TSPEAR: variants seen among roughly 807,000 people sequenced by gnomAD.
The protein encoded by TSPEAR is thrombospondin type laminin G domain and EAR repeats.
In TSPEAR, 69 loss-of-function variants were observed where a neutral mutation model predicts 71.6. The observed-to-expected ratio is 0.96, with a 90% CI of 0.79 to 1.18. The LOEUF (loss-of-function observed/expected upper bound fraction) is 1.18. TSPEAR is among the 50% of genes most tolerant of loss of function. TSPEAR has a pLI of 0.00. For missense variants in TSPEAR, 971 were observed against 894.9 expected (o/e 1.09, Z -1.09); for synonymous variants, 402 against 387.2 (o/e 1.04, Z -0.45).
At chr21:44,609,018 T>C (rs1555930360) in intron 1 of TSPEAR, among the ~76,000 whole-genome samples, 1 of 152,236 alleles carries the variant, frequency 6.6e-6, no homozygotes, top group African/African-American at 2.4e-5. Flanking sequence ...TAGAATTTAA[T>C]GCAATGGGGC....
rs1244956506 is a variant in TSPEAR, at chr21:44,687,295, G to A, written c.82+24138C>T. On this transcript the variant is annotated intron_variant, in intron 1 of 11. Coordinates refer to ENST00000323084, the MANE Select transcript of TSPEAR (RefSeq NM_144991.3). The surrounding 1 kb of genome is among the most constrained non-coding windows in gnomAD (Gnocchi z 4.4). The stretch of plus-strand genomic sequence containing the variant: ...CTCCCAGTGACACACTGGGCGCCTG[G>A]TGATTACTCAGCTTCTGGGTGCTGA... Among the ~76,000 whole-genome samples, 2 of 152,152 alleles carry A rather than the reference G, an allele frequency of 1.3e-5. No individual in the cohort carries two copies. Among genetic ancestry groups the A allele is most frequent in the Non-Finnish European group, 2.9e-5 (2 of 68,018 alleles).
intron 1 of TSPEAR, chr21:44,702,482 G>T: frequency 6.2e-7 from 1 of 1,608,968 alleles, no homozygotes; most frequent in African/African-American, 1.3e-5. Flanking sequence ...GTGCCCGTCT[G>T]CTGCAAGCCT....
At chr21:44,590,933 G>T (rs1979757456) in intron 1 of TSPEAR, among the ~76,000 whole-genome samples, 2 of 152,100 alleles carry the variant, frequency 1.3e-5, no homozygotes, top group East Asian at 3.9e-4. Context: ...AGAAGGCATT[G>T]CTTCCTGCCT....
intron 2 of TSPEAR, among the ~76,000 whole-genome samples, chr21:44,543,390 C>T (rs2053252648): frequency 6.6e-6 from 1 of 152,164 alleles, no homozygotes. Context: ...TTACATGAGA[C>T]TTTAAAAAGT....
At chr21:44,528,632 A>G (rs1555915276) in intron 5 of TSPEAR, 49 bp from the exon 6 acceptor site, 2 of 1,603,268 alleles carry the variant, frequency 1.2e-6, no homozygotes, top group Non-Finnish European at 8.5e-7. Flanking sequence ...AGTGCCCCCA[A>G]AGGAAGACGA....
rs370428426 is a variant in TSPEAR at position 44,527,369 on chromosome 21, C to T, written c.1072G>A (p.Glu358Lys). 7.1e-5 allele frequency: 114 copies of T among 1,614,188 alleles called. No individual in the cohort carries two copies. Among genetic ancestry groups the T allele is most frequent in the Non-Finnish European group, 7.8e-5 (92 of 1,180,036 alleles). ...KATSAVYKWT[E>K]EKFVSYQNIP... ...TTCTGATATGAGACGAACTTCTCTT[C>T]GGTCCACTTGTAGACGGCGGATGTG... Residue 358 changes from glutamate to lysine, a missense_variant, in exon 7 of 12, where the codon GAA becomes AAA. Coordinates refer to ENST00000323084, the MANE Select transcript of TSPEAR (RefSeq NM_144991.3).
At chr21:44,549,458 G>A (rs943486733) in intron 2 of TSPEAR, among the ~76,000 whole-genome samples, 5 of 152,330 alleles carry the variant, frequency 3.3e-5, no homozygotes, top group Admixed American at 1.3e-4. Flanking sequence ...ACTTTGGAAC[G>A]CTGTACACCT....
At chr21:44,568,212 T>TC (rs2053729824) in intron 1 of TSPEAR, among the ~76,000 whole-genome samples, 1 of 152,084 alleles carries the variant, frequency 6.6e-6, no homozygotes, top group Non-Finnish European at 1.5e-5. Flanking sequence ...CCCCCACCCC[T>TC]CCTCCTGCTC....
intron 1 of TSPEAR, among the ~76,000 whole-genome samples, chr21:44,626,417 A>C (rs1982782468): frequency 6.6e-6 from 1 of 152,152 alleles, no homozygotes; most frequent in Non-Finnish European, 1.5e-5. Flanking sequence ...CACACGGAGG[A>C]GATGGCTCCA....
intron 2 of TSPEAR, among the ~76,000 whole-genome samples, chr21:44,547,426 G>A (rs1387919937): frequency 6.6e-6 from 1 of 152,102 alleles, no homozygotes; most frequent in Non-Finnish European, 1.5e-5. Context: ...TTCCCCCCAT[G>A]AGTAGCTCAT....
intron 1 of TSPEAR, among the ~76,000 whole-genome samples, chr21:44,620,317 T>A (rs465701): frequency 0.84 from 127,728 of 152,238 alleles, 54,840 homozygotes; most frequent in Non-Finnish European, 0.93. Flanking sequence ...AGAAATGCTA[T>A]TTCAGGCTGA....
intron 10 of TSPEAR, chr21:44,508,545 C>G (rs1169978594): frequency 9.0e-7 from 1 of 1,108,372 alleles, no homozygotes; most frequent in African/African-American, 1.6e-5. Context: ...GACCGGAATT[C>G]CACCCCAGAG....
At chr21:44,670,595 T>C (rs56277017) in intron 1 of TSPEAR, among the ~76,000 whole-genome samples, 5,992 of 152,198 alleles carry the variant, frequency 0.039, 130 homozygotes, top group Middle Eastern at 0.085. Context: ...CCACCATGGA[T>C]TCAGCATGGA....
chr21:44,521,981 G>A lies in TSPEAR; in HGVS notation c.1468C>T (p.Leu490=). ...CCGTTGAAGGTGTTGGCCACCACCA[G>A]GAACGAGTAGGGCCCCACACTGAAG... is the stretch of plus-strand genomic sequence containing the variant. ...EFFSVGPYSF[L]VVANTFNGTS... The change falls in exon 9 of 12, where the codon CTG becomes TTG. Residue 490 remains leucine, a synonymous_variant. Coordinates refer to ENST00000323084, the MANE Select transcript of TSPEAR (RefSeq NM_144991.3). The A allele has an allele frequency of 2.5e-6, 4 of 1,614,204 alleles. No homozygotes were observed. Among genetic ancestry groups the A allele is most frequent in the Non-Finnish European group, 2.5e-6 (3 of 1,180,026 alleles).
At chr21:44,563,338 TACAAAAAGG>T (rs1439441858) in intron 2 of TSPEAR, among the ~76,000 whole-genome samples, 7 of 152,104 alleles carry the variant, frequency 4.6e-5, no homozygotes, top group African/African-American at 1.2e-4. Flanking sequence ...ACAACAAGAC[TACAAAAAGG>T]ACAAAAAGGA....
At chr21:44,586,836 A>G (rs978795526) in intron 1 of TSPEAR, among the ~76,000 whole-genome samples, 2 of 152,258 alleles carry the variant, frequency 1.3e-5, no homozygotes, top group African/African-American at 4.8e-5. Context: ...GACAAAATCC[A>G]GCATCTCTAT....
intron 1 of TSPEAR, chr21:44,646,530 G>C: frequency 6.2e-7 from 1 of 1,612,688 alleles, no homozygotes; most frequent in Non-Finnish European, 8.5e-7. Context: ...ACTGCCCAGA[G>C]AGCTGCTGTG....
At chr21:44,614,891 C>A (rs1365307391) in intron 1 of TSPEAR, among the ~76,000 whole-genome samples, 1 of 152,214 alleles carries the variant, frequency 6.6e-6, no homozygotes, top group South Asian at 2.1e-4. Context: ...TCCCACCCAG[C>A]GGCCCAAATG....
chr21:44,626,484 G>C (rs1206482985), intron 1 of TSPEAR, among the ~76,000 whole-genome samples: 2 of 152,170 alleles, frequency 1.3e-5, no homozygotes, highest in African/African-American at 4.8e-5. Context: ...CACGGGTTCA[G>C]AACCCGAAAC....
Sources: gnomAD v4.1 joint callset for allele counts (sites outside exome capture counted in the v4.1 genomes callset) on GRCh38, gnomAD v4.1.1 for gene constraint, Gnocchi (gnomAD v3.1) non-coding constraint, MANE v1.5 for transcripts, NCBI Gene and HGNC (gene_info 2026-07-23, HGNC 2026-07-21) for gene names.